SHC4: variants seen among roughly 807,000 people sequenced by gnomAD.
The protein encoded by SHC4 is SHC adaptor protein 4.
SHC4 carries 41 observed loss-of-function variants against 69.4 expected under a neutral mutation model. The ratio of observed to expected loss-of-function variants is 0.59; its 90% CI spans 0.46 to 0.77. SHC4 has a LOEUF of 0.77. SHC4 is among the 30% of genes least tolerant of loss of function. The pLI, the probability that SHC4 is intolerant of heterozygous loss-of-function variation, is 0.00. For missense variants in SHC4, 777 were observed against 783.8 expected, an observed-to-expected ratio of 0.99 and a Z score of 0.10; for synonymous variants, 318 against 299.3, an observed-to-expected ratio of 1.06 and a Z score of -0.64.
chr15:48,944,698 G>T (rs1901242973), intron 1 of SHC4, among the ~76,000 whole-genome samples: 1 of 152,130 alleles, frequency 6.6e-6, no homozygotes, highest in Non-Finnish European at 1.5e-5. Context: ...GTGATAAGGG[G>T]GATCTTTTAA....
At chr15:48,913,363 T>C (rs966237804) in intron 2 of SHC4, among the ~76,000 whole-genome samples, 14 of 151,954 alleles carry the variant, frequency 9.2e-5, no homozygotes, top group Non-Finnish European at 1.8e-4. Context: ...ATGTTGGTTG[T>C]CAGGGAAGTC....
chr15:48,826,253 C>CTT (rs34570376), intron 11 of SHC4, 127 bp from the exon 12 acceptor site: 1,996 of 636,274 alleles, frequency 3.1e-3, no homozygotes, highest in Middle Eastern at 4.3e-3. Context: ...AGAAAAGGTA[C>CTT]TTTTTTTTTT....
At chr15:48,876,643 C>G (rs1899806302) in intron 4 of SHC4, 5 of 689,056 alleles carry the variant, frequency 7.3e-6, no homozygotes, top group Non-Finnish European at 1.1e-5. Flanking sequence ...ATCCAATGTT[C>G]GAGGGCAGGA....
chr15:48,841,712 T>C (rs1486816735), intron 10 of SHC4, among the ~76,000 whole-genome samples: 1 of 152,202 alleles, frequency 6.6e-6, no homozygotes, highest in South Asian at 2.1e-4. Flanking sequence ...TTCCTCTCCA[T>C]TGCTTCCTGA....
chr15:48,888,917 A>T (rs2141004897), intron 3 of SHC4, among the ~76,000 whole-genome samples: 1 of 151,774 alleles, frequency 6.6e-6, no homozygotes, highest in East Asian at 1.9e-4. Flanking sequence ...AAGATGGTAA[A>T]TTTTATGTTA....
At position 48,878,156 on chromosome 15, in the gene SHC4, A is replaced by G. The variant is rs762025140; in HGVS notation, c.841-6014T>C. 34 of 1,520,810 alleles carry G rather than the reference A, an allele frequency of 2.2e-5. No homozygotes were observed. The Admixed American group carries it at 5.9e-4, about 26-fold the overall frequency. 94.2% of individuals were successfully genotyped at this position (1,520,810 alleles called of 1,614,324 possible). A position where few individuals can be genotyped will look rare whatever the true frequency, so the allele number is the denominator to read the frequency against. ...TCTGTCTTGCTGGAAGCTTTTTCCT[A>G]GAGGTTGAGCGGTTTGCACAATGTC... is the stretch of plus-strand genomic sequence containing the variant. On this transcript the variant is annotated intron_variant, in intron 4 of 11. Transcript: ENST00000332408.
At position 48,867,675 on chromosome 15, in the gene SHC4, A is replaced by G. The variant is rs570787722; in HGVS notation, c.946+143T>C. On this transcript the variant is annotated intron_variant, in intron 6 of 11. Coordinates refer to ENST00000332408, the MANE Select transcript of SHC4 (RefSeq NM_203349.4). ...CTGCTAACAGGGCAATTTATTTCCA[A>G]CTCAAATTTGCATAATATTTCTAGA... is the stretch of plus-strand genomic sequence containing the variant. 7.7e-5 allele frequency: 47 copies of G among 612,082 alleles called. No individual in the cohort carries two copies. In the East Asian group the frequency reaches 1.1e-3, roughly 15 times the overall value. The allele number at this position is 612,082 out of a possible 1,614,324, so 37.9% of individuals were successfully genotyped here.
chr15:48,946,940 A>G (rs535844229), intron 1 of SHC4, among the ~76,000 whole-genome samples: 2 of 152,358 alleles, frequency 1.3e-5, no homozygotes, highest in Admixed American at 6.5e-5. Flanking sequence ...GACACTTGAC[A>G]TAACTTAGAC....
At chr15:48,930,479 G>A (rs1900942035) in intron 1 of SHC4, among the ~76,000 whole-genome samples, 1 of 152,140 alleles carries the variant, frequency 6.6e-6, no homozygotes, top group South Asian at 2.1e-4. Context: ...CACTTGGTAA[G>A]TTTATAATAA....
At chr15:48,945,954 T>C (rs1333564416) in intron 1 of SHC4, 1 of 152,158 alleles carries the variant, frequency 6.6e-6, no homozygotes, top group African/African-American at 2.4e-5. Flanking sequence ...TCAAACAGTA[T>C]CATCTGTCTA....
intron 1 of SHC4, among the ~76,000 whole-genome samples, chr15:48,954,430 C>A (rs1252346600): frequency 1.3e-5 from 2 of 152,326 alleles, no homozygotes; most frequent in Non-Finnish European, 2.9e-5. Flanking sequence ...TAAGTCCAAG[C>A]TAGAGACTGG....
intron 2 of SHC4, among the ~76,000 whole-genome samples, chr15:48,910,507 C>CT (rs748007190): frequency 3.8e-4 from 58 of 152,124 alleles, no homozygotes; most frequent in South Asian, 2.7e-3. Context: ...AAAGAACCAT[C>CT]TTTTTGTTCA....
chr15:48,919,513 T>TC (rs1237355570), intron 2 of SHC4, among the ~76,000 whole-genome samples: 2 of 151,608 alleles, frequency 1.3e-5, no homozygotes, highest in Non-Finnish European at 2.9e-5. Context: ...GGTCTCAAAC[T>TC]CCAAGACTCA....
intron 6 of SHC4, among the ~76,000 whole-genome samples, chr15:48,865,390 G>T (rs1182650094): frequency 6.6e-6 from 1 of 152,144 alleles, no homozygotes; most frequent in Non-Finnish European, 1.5e-5. Flanking sequence ...AGGAAGAGGT[G>T]ATAGAGACAT....
In SHC4 at chr15:48,871,019, C is replaced by T. The variant is rs1404232255; in HGVS notation, c.894+1070G>A. Among the ~76,000 whole-genome samples, 6 of 152,174 alleles carry T rather than the reference C, an allele frequency of 3.9e-5. No homozygotes were observed. In the South Asian group the frequency reaches 1.0e-3, roughly 26 times the overall value. On this transcript the variant is annotated intron_variant, in intron 5 of 11. Coordinates refer to ENST00000332408, the MANE Select transcript of SHC4 (RefSeq NM_203349.4). ...ATTTAGTTTTTAGCATCCTCTATAT[C>T]TTTCTTGGGTTTCTAGGTTATTGTC...
At chr15:48,944,352 AAGG>A (rs1324856620) in intron 1 of SHC4, among the ~76,000 whole-genome samples, 1 of 152,116 alleles carries the variant, frequency 6.6e-6, no homozygotes, top group African/African-American at 2.4e-5. Context: ...CCAGGAGCCC[AAGG>A]AGATGTGAGA....
At chr15:48,958,767 G>A (rs533164349) in intron 1 of SHC4, among the ~76,000 whole-genome samples, 28 of 152,286 alleles carry the variant, frequency 1.8e-4, no homozygotes, top group African/African-American at 5.5e-4. Context: ...ATGGATGAAT[G>A]GACTTGGAAA....
At chr15:48,863,793 T>C (rs1899499266) in intron 6 of SHC4, among the ~76,000 whole-genome samples, 1 of 152,246 alleles carries the variant, frequency 6.6e-6, no homozygotes, top group African/African-American at 2.4e-5. Flanking sequence ...TTTTTATTTT[T>C]CAAATGTTTC....
chr15:48,838,774 T>C (rs1898942667), intron 10 of SHC4, among the ~76,000 whole-genome samples: 1 of 152,096 alleles, frequency 6.6e-6, no homozygotes, highest in African/African-American at 2.4e-5. Flanking sequence ...TAATAGAAAG[T>C]AGCATCAGGG....
Sources: gnomAD v4.1 joint callset for allele counts (sites outside exome capture counted in the v4.1 genomes callset) on GRCh38, gnomAD v4.1.1 for gene constraint, MANE v1.5 for transcripts, NCBI Gene and HGNC (gene_info 2026-07-23, HGNC 2026-07-21) for gene names.